Variants in ALG2 observed in about 807,000 individuals in gnomAD.
The protein encoded by ALG2 is ALG2 alpha-1,3/1,6-mannosyltransferase, also known as alpha-1,3/1,6-mannosyltransferase ALG2.
Under a neutral mutation model 30.5 loss-of-function variants are expected in ALG2, and 32 were observed. That is an observed-to-expected ratio of 1.05 (90% CI 0.79 to 1.41). The LOEUF is 1.41. ALG2 is among the 40% of genes most tolerant of loss of function. ALG2 has a pLI of 0.00. For missense variants in ALG2, 574 were observed against 526.4 expected (o/e 1.09, Z -0.88); for synonymous variants, 253 against 224.8 (o/e 1.13, Z -1.12).
chr9:99,221,698 A>G lies in ALG2; in HGVS notation c.197T>C (p.Leu66Pro). The change falls in exon 1 of 2, where the codon CTA becomes CCA. Residue 66 changes from leucine to proline, a missense_variant. Leu to Pro is a moderately conservative substitution (Grantham distance 98, BLOSUM62 -3). Transcript: ENST00000476832. ...CCAGTCCCCGGCACAGCGCACCGGT[A>G]GCTCGCGGCTCTCGGCGAAACAGTG... is the stretch of plus-strand genomic sequence containing the variant. Reference protein sequence around the residue: ...PGHCFAESRELPVRCAGDWLP... With the variant: ...PGHCFAESREPPVRCAGDWLP... The G allele has an allele frequency of 1.3e-6, 2 of 1,584,902 alleles. No individual in the cohort carries two copies. The highest frequency in any genetic ancestry group is 1.1e-5 in the South Asian group (1 of 88,946).
chr9:99,221,519 C>A (rs1265746423), intron 1 of ALG2, 28 bp downstream of exon 1: 1 of 1,539,696 alleles, frequency 6.5e-7, no homozygotes, highest in Non-Finnish European at 8.7e-7. Context: ...GGTCCGCACT[C>A]GCGCAGCCGG....
At position 99,218,355 on chromosome 9, in the gene ALG2, T is replaced by C; in HGVS notation, c.830A>G (p.Asn277Ser). The change falls in exon 2 of 2, where the codon AAT becomes AGT. Residue 277 changes from asparagine to serine, a missense_variant. Coordinates refer to ENST00000476832, the MANE Select transcript of ALG2 (RefSeq NM_033087.4). ...AGGYDERVLE[N>S]VEHYQELKKM... is the part of the protein sequence containing the mutation. Reference sequence around the variant, plus strand: ...CTTCAATTCCTGATAATGTTCCACATTCTCCAGGACTCTCTCGTCATAACC... The same window carrying C: ...CTTCAATTCCTGATAATGTTCCACACTCTCCAGGACTCTCTCGTCATAACC... The C allele has an allele frequency of 6.2e-7, 1 of 1,614,254 alleles. No homozygotes were observed. Among genetic ancestry groups the C allele is most frequent in the Non-Finnish European group, 8.5e-7 (1 of 1,180,048 alleles).
intron 1 of ALG2, chr9:99,220,931 A>T: frequency 7.5e-7 from 1 of 1,327,858 alleles, no homozygotes; most frequent in African/African-American, 1.5e-5. Context: ...TGCACGAAGG[A>T]AAGAGTCAAG....
intron 1 of ALG2, 135 bp downstream of exon 1, chr9:99,221,412 C>G: frequency 9.2e-7 from 1 of 1,090,058 alleles, no homozygotes; most frequent in Non-Finnish European, 1.3e-6. Context: ...GGCTCGCTCA[C>G]AACCCTGACT....
At position 99,217,853 on chromosome 9, in the gene ALG2, T is replaced by G; in HGVS notation, c.*81A>C. On this transcript the variant is annotated 3_prime_UTR_variant, in exon 2 of 2. Coordinates refer to ENST00000476832, the MANE Select transcript of ALG2 (RefSeq NM_033087.4). ...TTTAAAAGATCTCTTCTGCATTAGA[T>G]TCTAGGTTTCTTTTTTGGTTTCAAA... 21 of 1,456,854 alleles carry G rather than the reference T, an allele frequency of 1.4e-5. No homozygotes were observed. The highest frequency in any genetic ancestry group is 2.0e-5 in the Non-Finnish European group (21 of 1,040,226). 90.2% of individuals were successfully genotyped at this position (1,456,854 alleles called of 1,614,324 possible). A position where few individuals can be genotyped will look rare whatever the true frequency, so the allele number is the denominator to read the frequency against.
chr9:99,217,336 T>G lies in ALG2; in HGVS notation c.*598A>C, dbSNP rs1458814231. ...TGTTCGTAACAATACCAAAATAGAT[T>G]ATGGAGACCAAAATCTAATACTGTT... On this transcript the variant is annotated 3_prime_UTR_variant, in exon 2 of 2. Transcript: ENST00000476832. 4.4e-6 allele frequency: 2 copies of G among 453,998 alleles called. No homozygotes were observed. Among genetic ancestry groups the G allele is most frequent in the African/African-American group, 2.0e-5 (1 of 50,010 alleles). The allele number at this position is 453,998 out of a possible 1,614,324, so 28.1% of individuals were successfully genotyped here.
In ALG2 at chr9:99,218,128, T is replaced by C. The variant is rs1242111674; in HGVS notation, c.1057A>G (p.Ile353Val). ...AVNSGGPLES[I>V]DHSVTGFLCE... ...AGAAACCCTGTGACACTGTGGTCAA[T>C]GGACTCCAAGGGTCCACCCGAATTA... Residue 353 changes from isoleucine (I) to valine (V), a missense_variant, in exon 2 of 2, where the codon ATT (isoleucine) becomes GTT (valine). Transcript: ENST00000476832. 1 of 1,611,858 alleles carries C rather than the reference T, an allele frequency of 6.2e-7. No individual in the cohort carries two copies. The highest frequency in any genetic ancestry group is 1.3e-5 in the African/African-American group (1 of 74,942).
rs1025890586 is a variant in ALG2, at chr9:99,218,520, T to C, written c.665A>G (p.Lys222Arg). ...GGAGAGCAGCAGGAATTTTTTCCCC[T>C]TGGGGACTAGGTCATCCAGCTTTTC... ...VPEKLDDLVP[K>R]GKKFLLLSIN... Residue 222 changes from lysine to arginine, a missense_variant, in exon 2 of 2, where the codon AAG (lysine) becomes AGG (arginine). Lys to Arg is a conservative substitution (Grantham distance 26). Transcript: ENST00000476832. 2 of 1,614,214 alleles carry C rather than the reference T, an allele frequency of 1.2e-6. No homozygotes were observed. The highest frequency in any genetic ancestry group is 2.2e-5 in the East Asian group (1 of 44,886).
rs756559497 is a variant in ALG2 at position 99,221,026 on chromosome 9, G to A, written c.348+521C>T. The A allele has an allele frequency of 1.0e-5, 14 of 1,353,206 alleles. No individual in the cohort carries two copies. In the Admixed American group the frequency reaches 2.7e-4, roughly 26 times the overall value. 83.8% of individuals were successfully genotyped at this position (1,353,206 alleles called of 1,614,324 possible). On this transcript the variant is annotated intron_variant, in intron 1 of 1. Transcript: ENST00000476832. ...TCTCCAAAAACCAATGGGGAGCCAT[G>A]TACAAGTTTTAATAGGGGCATGATA... is the stretch of plus-strand genomic sequence containing the variant.
Position 99,218,200 on chromosome 9 carries a change from T to A in ALG2, c.985A>T (p.Ile329Phe). The change falls in exon 2 of 2, where the codon ATT becomes TTT. Residue 329 changes from isoleucine to phenylalanine, a missense_variant. Coordinates refer to ENST00000476832, the MANE Select transcript of ALG2 (RefSeq NM_033087.4). ...LYTPSNEHFG[I>F]VPLEAMYMQC... The stretch of plus-strand genomic sequence containing the variant: ...ATGTACATGGCTTCCAGAGGGACAA[T>A]GCCAAAGTGCTCATTGCTTGGTGTG... 1.2e-6 allele frequency: 2 copies of A among 1,614,028 alleles called. No individual in the cohort carries two copies. The highest frequency in any genetic ancestry group is 2.7e-5 in the African/African-American group (2 of 75,030).
In ALG2 at chr9:99,218,054, G is replaced by C. The variant is rs769697197; in HGVS notation, c.1131C>G (p.Ile377Met). The C allele has an allele frequency of 6.2e-7, 1 of 1,614,152 alleles. No homozygotes were observed. The highest frequency in any genetic ancestry group is 1.1e-5 in the South Asian group (1 of 91,080). The change falls in exon 2 of 2, where the codon ATC becomes ATG. Residue 377 changes from isoleucine to methionine, a missense_variant. By Grantham distance (10) the Ile-to-Met change is conservative. Coordinates refer to ENST00000476832, the MANE Select transcript of ALG2 (RefSeq NM_033087.4). ...TGGTGGCTTTTAAGGAAGGTTCACG[G>C]ATGAACTTTTCTATTGCTTCTGAGA... The part of the protein sequence containing the change: ...VHFSEAIEKF[I>M]REPSLKATMG...
chr9:99,216,992 G>A lies in ALG2; in HGVS notation c.*942C>T, dbSNP rs377344326. 89 of 454,114 alleles carry A rather than the reference G, an allele frequency of 2.0e-4. No homozygotes were observed. The highest frequency in any genetic ancestry group is 7.3e-4 in the South Asian group (47 of 64,480). 28.1% of individuals were successfully genotyped at this position (454,114 alleles called of 1,614,324 possible). ...ACAGTGAACTATAAGTCAGTGTCACGAAAATATCAGTGTCATGAAAAGGCT... is the reference window on the plus strand; with the variant it reads ...ACAGTGAACTATAAGTCAGTGTCACAAAAATATCAGTGTCATGAAAAGGCT... On this transcript the variant is annotated 3_prime_UTR_variant, in exon 2 of 2. Coordinates refer to ENST00000476832, the MANE Select transcript of ALG2 (RefSeq NM_033087.4).
At position 99,221,733 on chromosome 9, in the gene ALG2, G is replaced by T. The variant is rs748281785; in HGVS notation, c.162C>A (p.Tyr54Ter). Residue 54 changes from tyrosine (Y) to a stop codon, truncating the protein, a stop_gained, in exon 1 of 2, where the codon TAC becomes TAA. Coordinates refer to ENST00000476832, the MANE Select transcript of ALG2 (RefSeq NM_033087.4). LOFTEE classifies it high-confidence loss of function. ...TCTCGGCGAAACAGTGGCCCGGGTC[G>T]TAGTGCGCTGTCCAGATCTTCACGC... ...GCSVKIWTAH[Y>*]DPGHCFAESR... 1.3e-6 allele frequency: 2 copies of T among 1,598,524 alleles called. No individual in the cohort carries two copies. Among genetic ancestry groups the T allele is most frequent in the African/African-American group, 1.3e-5 (1 of 74,992 alleles).
rs1201091336 is a variant in ALG2 at position 99,221,668 on chromosome 9, G to A, written c.227C>T (p.Pro76Leu). Residue 76 changes from proline to leucine, a missense_variant, in exon 1 of 2, where the codon CCG becomes CTG. By Grantham distance (98) the Pro-to-Leu change is moderately conservative. Transcript: ENST00000476832. Reference protein sequence around the residue: ...LPVRCAGDWLPRGLGWGGRGA... With the variant: ...LPVRCAGDWLLRGLGWGGRGA... ...GCGGCCGCCCCAGCCCAGGCCTCGC[G>A]GCAGCCAGTCCCCGGCACAGCGCAC... 1 of 1,553,638 alleles carries A rather than the reference G, an allele frequency of 6.4e-7. No homozygotes were observed. The highest frequency in any genetic ancestry group is 1.9e-5 in the Admixed American group (1 of 52,902).
intron 1 of ALG2, among the ~76,000 whole-genome samples, chr9:99,220,202 C>G (rs1828768435): frequency 1.3e-5 from 2 of 151,974 alleles, no homozygotes; most frequent in Non-Finnish European, 2.9e-5. Context: ...TGCAGAAGTA[C>G]AAAAATATTT....
chr9:99,221,774 G>T lies in ALG2; in HGVS notation c.121C>A (p.Gln41Lys). 6.3e-7 allele frequency: 1 copy of T among 1,598,570 alleles called. No individual in the cohort carries two copies. Reference protein sequence around the residue: ...RLVLDAALALQARGCSVKIWT... With the variant: ...RLVLDAALALKARGCSVKIWT... ...ATCTTCACGCTACACCCGCGCGCCT[G>T]CAGCGCCAGCGCCGCGTCCAACACC... is the stretch of plus-strand genomic sequence containing the variant. The change falls in exon 1 of 2, where the codon CAG (glutamine) becomes AAG (lysine). Residue 41 changes from glutamine to lysine, a missense_variant. By Grantham distance (53) the Gln-to-Lys change is moderately conservative (BLOSUM62 1). Coordinates refer to ENST00000476832, the MANE Select transcript of ALG2 (RefSeq NM_033087.4).
intron 1 of ALG2, chr9:99,221,122 G>A: frequency 7.3e-7 from 1 of 1,362,078 alleles, no homozygotes; most frequent in Non-Finnish European, 9.7e-7. Flanking sequence ...CACAAGGACA[G>A]TGGGATGCAA....
chr9:99,219,465 T>A (rs2119001781), intron 1 of ALG2, among the ~76,000 whole-genome samples: 1 of 152,372 alleles, frequency 6.6e-6, no homozygotes, highest in South Asian at 2.1e-4. Context: ...CACGATCAAG[T>A]AATTTATCCC....
Position 99,218,116 on chromosome 9 carries a change from C to G in ALG2, c.1069G>C (p.Val357Leu). 6.2e-7 allele frequency: 1 copy of G among 1,612,322 alleles called. No individual in the cohort carries two copies. The highest frequency in any genetic ancestry group is 1.7e-4 in the Middle Eastern group (1 of 6,058). The change falls in exon 2 of 2, where the codon GTC becomes CTC. Residue 357 changes from valine to leucine, a missense_variant. Coordinates refer to ENST00000476832, the MANE Select transcript of ALG2 (RefSeq NM_033087.4). ...TCAGGCTCACACAGAAACCCTGTGA[C>G]ACTGTGGTCAATGGACTCCAAGGGT... The part of the protein sequence containing the change: ...GGPLESIDHS[V>L]TGFLCEPDPV...
Sources: gnomAD v4.1 joint callset for allele counts (sites outside exome capture counted in the v4.1 genomes callset) on GRCh38, gnomAD v4.1.1 for gene constraint, MANE v1.5 for transcripts, NCBI Gene and HGNC (gene_info 2026-07-23, HGNC 2026-07-21) for gene names.